The following GLS variants were observed in gnomAD, a reference collection of about 807,000 sequenced individuals.
GLS encodes glutaminase kidney isoform, mitochondrial.
GLS carries 36 observed loss-of-function variants against 86.7 expected under a neutral mutation model. The observed-to-expected ratio is 0.42, with a 90% confidence interval of 0.32 to 0.55. GLS has a LOEUF of 0.55. Among genes scored for constraint, GLS ranks in the 20% least tolerant of loss-of-function variants. The pLI, the probability that GLS is intolerant of heterozygous loss-of-function variation, is 0.17. For synonymous variants in GLS, 317 were observed against 305.9 expected (o/e 1.04, Z -0.38); for missense variants, 528 against 833.4 (o/e 0.63, Z 4.51).
chr2:190,900,804 T>C (rs1384274779), intron 4 of GLS, 111 bp downstream of exon 4: 19 of 681,720 alleles, frequency 2.8e-5, no homozygotes, highest in South Asian at 6.7e-5. Flanking sequence ...GAAAACACTT[T>C]AGCTTCGCTT....
rs1691070923 is a variant in GLS at position 190,964,302 on chromosome 2, A to ATGTT, written c.*1317_*1320dup. 1 of 152,190 alleles carries ATGTT rather than the reference A, an allele frequency of 6.6e-6. No homozygotes were observed. Among genetic ancestry groups the ATGTT allele is most frequent in the African/African-American group, 2.4e-5 (1 of 41,446 alleles). 9.4% of individuals were successfully genotyped at this position (152,190 alleles called of 1,614,324 possible). The stretch of plus-strand genomic sequence containing the variant: ...CTGTCATACCTCGAGATAAAGTGGC[A>ATGTT]TGTTAGTGAGGAGTTCTGATATTAA... On this transcript the variant is annotated 3_prime_UTR_variant, in exon 18 of 18. Transcript: ENST00000320717. The surrounding 1 kb of genome is among the most constrained non-coding windows in gnomAD (Gnocchi z 5.2).
In GLS at chr2:190,956,724, T is replaced by G. The variant is rs1291452810; in HGVS notation, c.1853+1906T>G. ...GGCCATTTTCATGATATTGATTCTT[T>G]CTAGCCACGAGCATGGAATGTTTTT... is the stretch of plus-strand genomic sequence containing the variant. On this transcript the variant is annotated intron_variant, in intron 17 of 17. Coordinates refer to ENST00000320717, the MANE Select transcript of GLS (RefSeq NM_014905.5). The surrounding 1 kb of genome is among the most constrained non-coding windows in gnomAD (Gnocchi z 4.2). 5.9e-5 allele frequency among the ~76,000 whole-genome samples: 9 copies of G among 152,310 alleles called. No individual in the cohort carries two copies. The highest frequency in any genetic ancestry group is 5.9e-4 in the Admixed American group (9 of 15,298).
At chr2:190,882,582 G>A (rs1688240356) in intron 1 of GLS, among the ~76,000 whole-genome samples, 3 of 152,150 alleles carry the variant, frequency 2.0e-5, no homozygotes, top group African/African-American at 4.8e-5. Context: ...CTGAAAGTGA[G>A]AACATTGTTA....
intron 6 of GLS, among the ~76,000 whole-genome samples, chr2:190,907,165 C>A (rs1245800874): frequency 6.6e-6 from 1 of 151,890 alleles, no homozygotes; most frequent in African/African-American, 2.4e-5. Context: ...ACCTCGTGAT[C>A]TGCCCGCCTC....
chr2:190,928,894 T>G (rs920714286), intron 12 of GLS, among the ~76,000 whole-genome samples: 11 of 122,736 alleles, frequency 9.0e-5, no homozygotes, highest in African/African-American at 2.3e-4. Context: ...TCAGGTGTGT[T>G]TTTTTTTTTT....
chr2:190,920,019 A>G lies in GLS; in HGVS notation c.1039-1005A>G, dbSNP rs948694536. On this transcript the variant is annotated intron_variant, in intron 7 of 17. Coordinates refer to ENST00000320717, the MANE Select transcript of GLS (RefSeq NM_014905.5). This position sits in a 1 kb window ranked among gnomAD's most constrained non-coding sequence, Gnocchi z 4.2. ...AGAATGAACCTGGCTTTATTCAATTAAATAATTCTCTGGTACAGGTTTTCC... is the reference window on the plus strand; with the variant it reads ...AGAATGAACCTGGCTTTATTCAATTGAATAATTCTCTGGTACAGGTTTTCC... 2 of 151,986 alleles carry G rather than the reference A, an allele frequency of 1.3e-5. No homozygotes were observed. Among genetic ancestry groups the G allele is most frequent in the African/African-American group, 4.8e-5 (2 of 41,446 alleles). The allele number at this position is 151,986 out of a possible 1,614,324, so 9.4% of individuals were successfully genotyped here.
At position 190,955,123 on chromosome 2, in the gene GLS, T is replaced by C. The variant is rs955169478; in HGVS notation, c.1853+305T>C. 6.7e-6 allele frequency among the ~76,000 whole-genome samples: 1 copy of C among 150,308 alleles called. No homozygotes were observed. The highest frequency in any genetic ancestry group is 1.5e-5 in the Non-Finnish European group (1 of 67,992). ...AGAATTGGAATTTTATCCTCATGGA[T>C]TTTAAAAAAAAAATTTTTAAATTAC... is the stretch of plus-strand genomic sequence containing the variant. On this transcript the variant is annotated intron_variant, in intron 17 of 17. Coordinates refer to ENST00000320717, the MANE Select transcript of GLS (RefSeq NM_014905.5). This position sits in a 1 kb window ranked among gnomAD's most constrained non-coding sequence, Gnocchi z 5.6.
In GLS at chr2:190,943,677, G is replaced by A. The variant is rs1455888321; in HGVS notation, c.1651-9888G>A. 6.6e-6 allele frequency among the ~76,000 whole-genome samples: 1 copy of A among 152,116 alleles called. No individual in the cohort carries two copies. Among genetic ancestry groups the A allele is most frequent in the African/African-American group, 2.4e-5 (1 of 41,420 alleles). On this transcript the variant is annotated intron_variant, in intron 14 of 17. Coordinates refer to ENST00000320717, the MANE Select transcript of GLS (RefSeq NM_014905.5). This position sits in a 1 kb window ranked among gnomAD's most constrained non-coding sequence, Gnocchi z 4.5. ...TCTCCAGCAATTTTCTGTATTATAT[G>A]TTGGAGGAGCCTGCTATGTAATTTG...
chr2:190,934,929 A>T, intron 14 of GLS: 2 of 970,892 alleles, frequency 2.1e-6, no homozygotes, highest in South Asian at 9.5e-5. Flanking sequence ...TGCCAGTTTT[A>T]AGGACATATT....
chr2:190,919,426 A>C (rs920962880), intron 7 of GLS, among the ~76,000 whole-genome samples: 1 of 152,136 alleles, frequency 6.6e-6, no homozygotes, highest in African/African-American at 2.4e-5. Flanking sequence ...GAAAACTTGT[A>C]AGAGTTTTAT....
intron 12 of GLS, among the ~76,000 whole-genome samples, chr2:190,929,358 G>A (rs2124913232): frequency 6.6e-6 from 1 of 152,064 alleles, no homozygotes; most frequent in South Asian, 2.1e-4. Context: ...AGAAAATATA[G>A]TCAGGAAGAA....
rs1006258929 is a variant in GLS at position 190,953,340 on chromosome 2, G to A, written c.1651-225G>A. ...GTGATATTATTCCATTCCTTCCCTTGTGTATCTTATCTTTATTATTGAATT... is the reference window on the plus strand; with the variant it reads ...GTGATATTATTCCATTCCTTCCCTTATGTATCTTATCTTTATTATTGAATT... On this transcript the variant is annotated intron_variant, in intron 14 of 17. Transcript: ENST00000320717. This position sits in a 1 kb window ranked among gnomAD's most constrained non-coding sequence, Gnocchi z 4.0. 2.6e-5 allele frequency among the ~76,000 whole-genome samples: 4 copies of A among 151,968 alleles called. No individual in the cohort carries two copies. The highest frequency in any genetic ancestry group is 5.9e-5 in the Non-Finnish European group (4 of 67,996).
At position 190,962,194 on chromosome 2, in the gene GLS, CATGGAAAGGGGAGTTATTAGT is replaced by C. The variant is rs1691020450; in HGVS notation, c.1854-619_1854-599del. Among the ~76,000 whole-genome samples, 4 of 152,170 alleles carry C rather than the reference CATGGAAAGGGGAGTTATTAGT, an allele frequency of 2.6e-5. No homozygotes were observed. Among genetic ancestry groups the C allele is most frequent in the Admixed American group, 2.6e-4 (4 of 15,276 alleles). ...ACTCTAAACAGCACAGCCCCAGAAG[CATGGAAAGGGGAGTTATTAGT>C]ATGGAAAGGGGAGTTACTCTTCTGG... On this transcript the variant is annotated intron_variant, in intron 17 of 17. Coordinates refer to ENST00000320717, the MANE Select transcript of GLS (RefSeq NM_014905.5). The surrounding 1 kb of genome is among the most constrained non-coding windows in gnomAD (Gnocchi z 4.2).
chr2:190,908,385 A>G (rs1366140402), intron 6 of GLS, among the ~76,000 whole-genome samples: 2 of 152,218 alleles, frequency 1.3e-5, no homozygotes, highest in African/African-American at 2.4e-5. Context: ...GCTTCTTTTG[A>G]TATAATATGA....
At chr2:190,932,954 A>AT (rs1032131443) in intron 14 of GLS, 31 of 1,288,616 alleles carry the variant, frequency 2.4e-5, no homozygotes, top group African/African-American at 1.8e-4. Context: ...TATTTGAGGT[A>AT]TTTTTTGTTC....
At chr2:190,887,761 T>TA (rs1172141302) in intron 1 of GLS, among the ~76,000 whole-genome samples, 1 of 152,180 alleles carries the variant, frequency 6.6e-6, no homozygotes, top group African/African-American at 2.4e-5. Context: ...GTGTTATGCA[T>TA]ACTAGAGAAA....
In GLS at chr2:190,954,283, C is replaced by T. The variant is rs1432115524; in HGVS notation, c.1713-301C>T. Among the ~76,000 whole-genome samples, 1 of 151,918 alleles carries T rather than the reference C, an allele frequency of 6.6e-6. No individual in the cohort carries two copies. The highest frequency in any genetic ancestry group is 1.5e-5 in the Non-Finnish European group (1 of 68,018). On this transcript the variant is annotated intron_variant, in intron 15 of 17. Transcript: ENST00000320717. The surrounding 1 kb of genome is among the most constrained non-coding windows in gnomAD (Gnocchi z 4.0). The stretch of plus-strand genomic sequence containing the variant: ...GTTTCTTGCCCTTATGAGACATAAA[C>T]CTTGGTACACAGTTGTGCCATAATT...
Position 190,962,234 on chromosome 2 carries a change from CT to C in GLS, c.1854-594del, listed in dbSNP as rs1249405662. ...TATTAGTATGGAAAGGGGAGTTACT[CT>C]TCTGGTGTAGTGGTCCGATTGAGTC... On this transcript the variant is annotated intron_variant, in intron 17 of 17. Coordinates refer to ENST00000320717, the MANE Select transcript of GLS (RefSeq NM_014905.5). This position sits in a 1 kb window ranked among gnomAD's most constrained non-coding sequence, Gnocchi z 4.2. 3.3e-5 allele frequency among the ~76,000 whole-genome samples: 5 copies of C among 152,180 alleles called. No individual in the cohort carries two copies. The East Asian group carries it at 9.6e-4, about 29-fold the overall frequency.
intron 13 of GLS, among the ~76,000 whole-genome samples, 190 bp from the exon 14 acceptor site, chr2:190,931,355 G>A (rs751090859): frequency 1.3e-5 from 2 of 152,076 alleles, no homozygotes; most frequent in Non-Finnish European, 2.9e-5. Flanking sequence ...ATGTTAGTAA[G>A]CAGTGTTCTT....
Sources: gnomAD v4.1 joint callset for allele counts (sites outside exome capture counted in the v4.1 genomes callset) on GRCh38, gnomAD v4.1.1 for gene constraint, Gnocchi (gnomAD v3.1) non-coding constraint, MANE v1.5 for transcripts, NCBI Gene and HGNC (gene_info 2026-07-23, HGNC 2026-07-21) for gene names.